HPSE2: variants seen among roughly 807,000 people sequenced by gnomAD.
The protein encoded by HPSE2 is inactive heparanase-2.
HPSE2 carries 38 observed loss-of-function variants against 60.5 expected under a neutral mutation model. The observed-to-expected ratio is 0.63, with a 90% CI of 0.48 to 0.82. The LOEUF (loss-of-function observed/expected upper bound fraction) is 0.82, where lower values mean the gene tolerates loss of function less well. Among genes scored for constraint, HPSE2 ranks in the 40% least tolerant of loss-of-function variants. The probability of loss-of-function intolerance (pLI) is 0.00; values close to 1 mark genes in which losing one functional copy is unlikely to be tolerated. For missense variants in HPSE2, 713 were observed against 740.4 expected (o/e 0.96, Z 0.43); for synonymous variants, 295 against 293.2 (o/e 1.01, Z -0.06).
At chr10:98,843,036 T>C (rs1008861064) in intron 3 of HPSE2, among the ~76,000 whole-genome samples, 1 of 152,168 alleles carries the variant, frequency 6.6e-6, no homozygotes, top group African/African-American at 2.4e-5. Context: ...TCACTTCTTA[T>C]TTTTTTAATT....
intron 3 of HPSE2, among the ~76,000 whole-genome samples, chr10:99,106,866 T>G (rs560051922): frequency 6.6e-6 from 1 of 152,184 alleles, no homozygotes; most frequent in East Asian, 1.9e-4. Flanking sequence ...TTCTGACTCT[T>G]AAGTTTGTTT....
chr10:98,863,753 C>A (rs947295037), intron 3 of HPSE2, among the ~76,000 whole-genome samples: 1 of 152,006 alleles, frequency 6.6e-6, no homozygotes, highest in African/African-American at 2.4e-5. Flanking sequence ...GTATAATGAG[C>A]CTTTGCTAAT....
chr10:98,978,178 A>C (rs1174586255), intron 3 of HPSE2, among the ~76,000 whole-genome samples: 1 of 152,188 alleles, frequency 6.6e-6, no homozygotes, highest in Non-Finnish European at 1.5e-5. Flanking sequence ...AATACTGTTA[A>C]AGCCTTCAAT....
intron 3 of HPSE2, among the ~76,000 whole-genome samples, chr10:98,977,163 A>G (rs1024170207): frequency 6.6e-6 from 1 of 152,232 alleles, no homozygotes; most frequent in African/African-American, 2.4e-5. Flanking sequence ...TAGCAACCAT[A>G]GGAAACCATC....
chr10:99,112,448 TTTTG>T (rs1844506752), intron 3 of HPSE2, among the ~76,000 whole-genome samples: 1 of 150,538 alleles, frequency 6.6e-6, no homozygotes, highest in South Asian at 2.1e-4. Flanking sequence ...TTTTGTTTTG[TTTTG>T]TTTTGTTTTT....
chr10:99,064,636 T>C (rs551695802), intron 3 of HPSE2, among the ~76,000 whole-genome samples: 1 of 151,564 alleles, frequency 6.6e-6, no homozygotes, highest in African/African-American at 2.4e-5. Context: ...TCCCGTAATT[T>C]TCCCCAACCA....
intron 3 of HPSE2, among the ~76,000 whole-genome samples, chr10:99,087,783 A>T (rs1843374460): frequency 6.6e-6 from 1 of 152,184 alleles, no homozygotes; most frequent in Admixed American, 6.5e-5. Flanking sequence ...ATGAATGCTG[A>T]TAATTTTAAA....
chr10:98,479,417 A>G (rs1180757346), intron 11 of HPSE2, among the ~76,000 whole-genome samples: 1 of 152,204 alleles, frequency 6.6e-6, no homozygotes, highest in Non-Finnish European at 1.5e-5. Flanking sequence ...CAAAGGCTGA[A>G]ATCACTTCCT....
intron 3 of HPSE2, among the ~76,000 whole-genome samples, chr10:98,817,703 G>C (rs1373042069): frequency 1.3e-5 from 2 of 152,126 alleles, no homozygotes; most frequent in Non-Finnish European, 2.9e-5. Flanking sequence ...AGCTTCCCTT[G>C]ATTCCCGTTT....
At chr10:98,770,512 C>A (rs1040254622) in intron 3 of HPSE2, among the ~76,000 whole-genome samples, 3 of 152,240 alleles carry the variant, frequency 2.0e-5, no homozygotes, top group African/African-American at 7.2e-5. Flanking sequence ...AACACAGTAG[C>A]CAAGGATATT....
At chr10:98,477,520 C>T (rs367993424) in intron 11 of HPSE2, among the ~76,000 whole-genome samples, 57 of 152,316 alleles carry the variant, frequency 3.7e-4, no homozygotes, top group African/African-American at 1.3e-3. Context: ...AGTTGCTTCC[C>T]TCTTTCCTAA....
At chr10:98,527,102 C>T (rs535997368) in intron 9 of HPSE2, among the ~76,000 whole-genome samples, 2 of 152,076 alleles carry the variant, frequency 1.3e-5, no homozygotes, top group Non-Finnish European at 2.9e-5. Context: ...TCCACATGTC[C>T]TTTAATTTCT....
intron 3 of HPSE2, among the ~76,000 whole-genome samples, chr10:99,028,062 C>A (rs1957417974): frequency 6.6e-6 from 1 of 152,132 alleles, no homozygotes; most frequent in Non-Finnish European, 1.5e-5. Context: ...CAAGAAAAGA[C>A]TGAAAGCCTT....
chr10:98,564,604 T>A (rs1181382115), intron 9 of HPSE2, among the ~76,000 whole-genome samples: 1 of 152,212 alleles, frequency 6.6e-6, no homozygotes, highest in Non-Finnish European at 1.5e-5. Context: ...ACAAAGCAAT[T>A]TTTGTTTGGC....
chr10:98,514,918 T>C (rs1942548999), intron 9 of HPSE2, among the ~76,000 whole-genome samples: 1 of 151,828 alleles, frequency 6.6e-6, no homozygotes, highest in Non-Finnish European at 1.5e-5. Context: ...GAGACAGGGT[T>C]TCACCATGTT....
At chr10:99,093,720 A>G (rs971583015) in intron 3 of HPSE2, among the ~76,000 whole-genome samples, 2 of 152,228 alleles carry the variant, frequency 1.3e-5, no homozygotes, top group Non-Finnish European at 2.9e-5. Context: ...ATCACCTCCC[A>G]TTAAGCATCA....
At chr10:99,186,104 CCACACACA>C (rs527839752) in intron 2 of HPSE2, among the ~76,000 whole-genome samples, 2,260 of 80,728 alleles carry the variant, frequency 0.028, 42 homozygotes, top group African/African-American at 0.049. Context: ...GGATAAATAA[CCACACACA>C]CACACACACA....
At chr10:98,726,107 C>T (rs1289348777) in intron 4 of HPSE2, among the ~76,000 whole-genome samples, 4 of 152,160 alleles carry the variant, frequency 2.6e-5, no homozygotes, top group Non-Finnish European at 1.5e-5. Flanking sequence ...ACTAGAAACA[C>T]CATTTGACCC....
chr10:98,566,798 A>T (rs1433776422), intron 9 of HPSE2, among the ~76,000 whole-genome samples: 1 of 152,170 alleles, frequency 6.6e-6, no homozygotes, highest in Non-Finnish European at 1.5e-5. Flanking sequence ...TTTGAGTTAG[A>T]GGCTCTCCTA....
Sources: gnomAD v4.1 joint callset for allele counts (sites outside exome capture counted in the v4.1 genomes callset) on GRCh38, gnomAD v4.1.1 for gene constraint, MANE v1.5 for transcripts, NCBI Gene and HGNC (gene_info 2026-07-23, HGNC 2026-07-21) for gene names.